Variants in IGSF11 observed in about 807,000 individuals in gnomAD.
The protein encoded by IGSF11 is CXADR like 1.
Under a neutral mutation model 41.0 loss-of-function variants are expected in IGSF11, and 22 were observed. The observed-to-expected ratio is 0.54, with a 90% CI of 0.38 to 0.77. The LOEUF is 0.77. Among genes scored for constraint, IGSF11 ranks in the 30% least tolerant of loss-of-function variants. The pLI, the probability that IGSF11 is intolerant of heterozygous loss-of-function variation, is 0.00. For missense variants in IGSF11, 444 were observed against 530.8 expected (o/e 0.84, Z 1.61); for synonymous variants, 219 against 201.3 (o/e 1.09, Z -0.74).
At chr3:119,036,577 A>G (rs544962052), upstream of IGSF11, among the ~76,000 whole-genome samples, 1 of 152,298 alleles carries the variant, frequency 6.6e-6, no homozygotes, top group Non-Finnish European at 1.5e-5. Flanking sequence ...CCTTTAAATA[A>G]CCTAATAATC....
At chr3:119,114,593 C>T (rs1246651505) in intron 1 of IGSF11, among the ~76,000 whole-genome samples, 1 of 152,212 alleles carries the variant, frequency 6.6e-6, no homozygotes, top group Admixed American at 6.5e-5. Flanking sequence ...GCCTGGACTT[C>T]CTTGTCCTTT....
chr3:119,091,491 T>C (rs1279727087), intron 1 of IGSF11, among the ~76,000 whole-genome samples: 1 of 152,196 alleles, frequency 6.6e-6, no homozygotes, highest in Non-Finnish European at 1.5e-5. Context: ...TAAACAAATG[T>C]GATACATATA....
rs181522099 is a variant in IGSF11, at chr3:119,099,136, G to T, written c.49+6008C>A. ...TTTAGAAGTATAACAAATTTCAAGG[G>T]TACTTTTGTTCCACTATTACTTCAA... On this transcript the variant is annotated intron_variant, in intron 1 of 6. Transcript: ENST00000354673. Among the ~76,000 whole-genome samples the T allele has an allele frequency of 3.9e-5, 6 of 152,262 alleles. No homozygotes were observed. The East Asian group carries it at 1.2e-3, about 29-fold the overall frequency.
At chr3:119,053,763 A>T (rs975079675) in intron 1 of IGSF11, among the ~76,000 whole-genome samples, 2 of 151,708 alleles carry the variant, frequency 1.3e-5, no homozygotes, top group Non-Finnish European at 3.0e-5. Flanking sequence ...CCAAGTTCAA[A>T]CTATACTACA....
intron 1 of IGSF11, among the ~76,000 whole-genome samples, chr3:118,936,689 G>T (rs1232487254): frequency 1.3e-5 from 2 of 152,094 alleles, no homozygotes; most frequent in Non-Finnish European, 2.9e-5. Flanking sequence ...TAAAGTGCAT[G>T]GTCATATTTC....
At chr3:119,134,604 A>C (rs1559885697) in intron 1 of IGSF11, among the ~76,000 whole-genome samples, 1 of 152,240 alleles carries the variant, frequency 6.6e-6, no homozygotes, top group Non-Finnish European at 1.5e-5. Flanking sequence ...GCTCACAGAT[A>C]GGAAGAATCA....
chr3:118,903,853 C>G (rs1200757637), intron 6 of IGSF11, among the ~76,000 whole-genome samples: 1 of 152,090 alleles, frequency 6.6e-6, no homozygotes, highest in African/African-American at 2.4e-5. Context: ...GAGGTGATGC[C>G]TGGCCTAATC....
intron 1 of IGSF11, among the ~76,000 whole-genome samples, chr3:119,065,438 T>C (rs1425841004): frequency 6.6e-6 from 1 of 151,260 alleles, no homozygotes; most frequent in Non-Finnish European, 1.5e-5. Flanking sequence ...GGTCTGTAAT[T>C]TTTTTTCCTT....
intron 1 of IGSF11, among the ~76,000 whole-genome samples, chr3:119,116,255 C>T (rs1254093702): frequency 1.3e-5 from 2 of 151,466 alleles, no homozygotes; most frequent in Non-Finnish European, 2.9e-5. Flanking sequence ...GGAATATGCT[C>T]TTTTTTTTTC....
chr3:119,115,740 T>A (rs2077247147), intron 1 of IGSF11, among the ~76,000 whole-genome samples: 1 of 152,176 alleles, frequency 6.6e-6, no homozygotes, highest in East Asian at 1.9e-4. Flanking sequence ...CGGTGAAGCT[T>A]TTTAATTTAA....
chr3:118,912,647 G>A (rs78651806), intron 4 of IGSF11, among the ~76,000 whole-genome samples: 1,634 of 152,266 alleles, frequency 0.011, 32 homozygotes, highest in East Asian at 0.065. Flanking sequence ...TCCAGGTGAA[G>A]CGTTCACATG....
rs1198019605 is a variant in IGSF11 at position 119,083,131 on chromosome 3, T to TC, written c.49+22012_49+22013insG. Among the ~76,000 whole-genome samples the TC allele has an allele frequency of 7.5e-3, 663 of 88,706 alleles. 14 individuals are homozygous for TC. Among genetic ancestry groups the TC allele is most frequent in the African/African-American group, 0.018 (632 of 35,488 alleles). 58.2% of individuals were successfully genotyped at this position (88,706 alleles called of 152,430 possible). On this transcript the variant is annotated intron_variant, in intron 1 of 6. Transcript: ENST00000354673. ...TCTTTTTCTTTTTCTTTTTTCTTTT[T>TC]TTTTTTTTTTTGGTGTGGGGGACAG...
chr3:119,015,401 C>T (rs2107701986), intron 1 of IGSF11, among the ~76,000 whole-genome samples: 1 of 152,312 alleles, frequency 6.6e-6, no homozygotes, highest in South Asian at 2.1e-4. Context: ...AACCCTGTCA[C>T]TTCACTAAGG....
At chr3:119,017,552 G>C (rs1032020122) in intron 1 of IGSF11, among the ~76,000 whole-genome samples, 2 of 152,082 alleles carry the variant, frequency 1.3e-5, no homozygotes, top group African/African-American at 4.8e-5. Context: ...CTTAAACCAG[G>C]AAGATGAGTT....
At chr3:118,907,021 A>G (rs1234737740) in intron 4 of IGSF11, among the ~76,000 whole-genome samples, 1 of 152,234 alleles carries the variant, frequency 6.6e-6, no homozygotes, top group Non-Finnish European at 1.5e-5. Flanking sequence ...TGTCATCTCA[A>G]CCATTCAAAA....
At chr3:118,944,215 T>C (rs938874012) in intron 1 of IGSF11, among the ~76,000 whole-genome samples, 25 of 152,332 alleles carry the variant, frequency 1.6e-4, no homozygotes, top group African/African-American at 5.8e-4. Flanking sequence ...TTGGTTATCC[T>C]TTTAGAAGTT....
intron 1 of IGSF11, among the ~76,000 whole-genome samples, chr3:119,103,806 C>A (rs1161365972): frequency 6.6e-6 from 1 of 152,130 alleles, no homozygotes; most frequent in Non-Finnish European, 1.5e-5. Flanking sequence ...AAGGAGACTT[C>A]CACTACCATC....
chr3:119,129,634 T>C (rs1161429532), intron 1 of IGSF11, among the ~76,000 whole-genome samples: 3 of 152,200 alleles, frequency 2.0e-5, no homozygotes, highest in Non-Finnish European at 4.4e-5. Flanking sequence ...GATTATAAGA[T>C]AGTATTTGCA....
chr3:119,043,525 G>A lies in IGSF11; in HGVS notation c.49+61619C>T, dbSNP rs1117003. Among the ~76,000 whole-genome samples, 6 of 152,014 alleles carry A rather than the reference G, an allele frequency of 3.9e-5. No individual in the cohort carries two copies. The South Asian group carries it at 6.2e-4, about 16-fold the overall frequency. On this transcript the variant is annotated intron_variant, in intron 1 of 6. Transcript: ENST00000354673. ...GGAAATAACAACTGATTCCATTGCC[G>A]GCAACACCCTAGCTAACCAGAGGTC...
Sources: allele counts gnomAD v4.1 joint callset (sites outside exome capture counted in the v4.1 genomes callset), GRCh38; gene constraint gnomAD v4.1.1; transcripts MANE v1.5; gene names NCBI Gene and HGNC (gene_info 2026-07-23, HGNC 2026-07-21).